The following ARHGAP44 variants were observed in gnomAD, a reference collection of about 807,000 sequenced individuals.
ARHGAP44 encodes the protein rho GTPase-activating protein 44.
ARHGAP44 carries 43 observed loss-of-function variants against 106.8 expected under a neutral mutation model. That is an observed-to-expected ratio of 0.40 (90% CI 0.32 to 0.52). ARHGAP44 has a LOEUF of 0.52. Ranked by LOEUF, ARHGAP44 falls within the 20% of genes least tolerant of loss-of-function variation. The pLI is 0.48. For synonymous variants in ARHGAP44, 439 were observed against 410.3 expected (o/e 1.07, Z -0.85); for missense variants, 866 against 1,050.5 (o/e 0.82, Z 2.43).
intron 5 of ARHGAP44, among the ~76,000 whole-genome samples, chr17:12,916,301 C>T (rs370361053): frequency 9.8e-5 from 15 of 152,286 alleles, no homozygotes; most frequent in East Asian, 5.8e-4. Context: ...GCCTTCATCC[C>T]CACCTTCCAC....
chr17:12,885,192 C>T (rs1408352660), intron 1 of ARHGAP44, among the ~76,000 whole-genome samples: 1 of 152,228 alleles, frequency 6.6e-6, no homozygotes, highest in Non-Finnish European at 1.5e-5. Context: ...AGCCATCGCA[C>T]CCAGCACCTG....
At chr17:12,815,581 G>C (rs1279708941) in intron 1 of ARHGAP44, among the ~76,000 whole-genome samples, 1 of 152,192 alleles carries the variant, frequency 6.6e-6, no homozygotes, top group Non-Finnish European at 1.5e-5. Context: ...TTACAGGAGA[G>C]TATACCAGTC....
chr17:12,986,792 A>C, intron 20 of ARHGAP44: 1 of 248,416 alleles, frequency 4.0e-6, no homozygotes, highest in Non-Finnish European at 7.7e-6. Context: ...AAGGCCTGGG[A>C]GGACAGCACC....
intron 10 of ARHGAP44, among the ~76,000 whole-genome samples, chr17:12,945,466 C>A (rs928588331): frequency 6.6e-6 from 1 of 152,058 alleles, no homozygotes; most frequent in African/African-American, 2.4e-5. Flanking sequence ...GCATGCGGTA[C>A]GTGTTTTATT....
intron 16 of ARHGAP44, 46 bp from the exon 17 acceptor site, chr17:12,973,256 G>A (rs997497717): frequency 2.5e-6 from 4 of 1,588,152 alleles, no homozygotes; most frequent in Admixed American, 1.8e-5. Flanking sequence ...CCAAAGGAAG[G>A]CCTAGATTTT....
intron 1 of ARHGAP44, among the ~76,000 whole-genome samples, chr17:12,822,179 T>C (rs1418272368): frequency 1.3e-5 from 2 of 152,228 alleles, no homozygotes; most frequent in Non-Finnish European, 2.9e-5. Context: ...ACTACTCTGC[T>C]ATTATAGTGA....
intron 1 of ARHGAP44, among the ~76,000 whole-genome samples, chr17:12,816,031 A>T (rs569018596): frequency 6.6e-6 from 1 of 152,214 alleles, no homozygotes; most frequent in Admixed American, 6.5e-5. Flanking sequence ...ATGGTCTGTG[A>T]GGCAGTGGGA....
intron 3 of ARHGAP44, among the ~76,000 whole-genome samples, chr17:12,908,410 C>T (rs535980355): frequency 2.6e-5 from 4 of 151,982 alleles, no homozygotes; most frequent in Non-Finnish European, 5.9e-5. Flanking sequence ...TTGGCCAGGT[C>T]GGTCTCGAAC....
At chr17:12,978,398 T>A (rs963670239) in intron 18 of ARHGAP44, among the ~76,000 whole-genome samples, 9 of 152,286 alleles carry the variant, frequency 5.9e-5, no homozygotes, top group East Asian at 1.9e-4. Flanking sequence ...AATAAAATGG[T>A]TTTTGCCCCT....
Position 12,990,094 on chromosome 17 carries a change from C to T in ARHGAP44, c.2380C>T (p.Pro794Ser), listed in dbSNP as rs1362097580. 25 of 1,613,178 alleles carry T rather than the reference C, an allele frequency of 1.5e-5. No homozygotes were observed. The highest frequency in any genetic ancestry group is 2.0e-5 in the Non-Finnish European group (24 of 1,179,538). The change falls in exon 21 of 21, where the codon CCC (proline) becomes TCC (serine). Residue 794 changes from proline to serine, a missense_variant. Around this residue, in one of 2 missense-constraint regions of ARHGAP44, gnomAD observed 418 missense variants for 403.6 expected, o/e 1.04. Transcript: ENST00000379672. ...GCTCGGGTCGACGCTCCGCCTGAGT[C>T]CCCTGGAGCACATGCGGCGACACTC... ...IELGSTLRLSPLEHMRRHSVT... is the reference protein window; with the variant it reads ...IELGSTLRLSSLEHMRRHSVT...
chr17:12,989,993 A>G, intron 20 of ARHGAP44, 39 bp from the exon 21 acceptor site: 3 of 1,588,150 alleles, frequency 1.9e-6, no homozygotes, highest in Non-Finnish European at 2.6e-6. Context: ...TTTGCCGGGA[A>G]GCCTCCTTTC....
At chr17:12,824,185 G>A (rs2034853292) in intron 1 of ARHGAP44, among the ~76,000 whole-genome samples, 1 of 152,208 alleles carries the variant, frequency 6.6e-6, no homozygotes, top group African/African-American at 2.4e-5. Flanking sequence ...ACCATTCTGT[G>A]TGGATGACTC....
chr17:12,868,567 T>A (rs2036300936), intron 1 of ARHGAP44, among the ~76,000 whole-genome samples: 1 of 122,602 alleles, frequency 8.2e-6, no homozygotes. Flanking sequence ...CAAAAAGTCA[T>A]TTAAAAAGTC....
chr17:12,879,018 G>A (rs774781795), intron 1 of ARHGAP44, among the ~76,000 whole-genome samples: 6 of 152,136 alleles, frequency 3.9e-5, no homozygotes, highest in Non-Finnish European at 8.8e-5. Context: ...TGGGGAACAG[G>A]TGGTGTTTGG....
chr17:12,874,568 T>G (rs1051594132), intron 1 of ARHGAP44, among the ~76,000 whole-genome samples: 1 of 151,998 alleles, frequency 6.6e-6, no homozygotes, highest in Non-Finnish European at 1.5e-5. Context: ...CCGTCTATAC[T>G]AAAAATATAA....
chr17:12,879,150 A>G (rs1471525395), intron 1 of ARHGAP44, among the ~76,000 whole-genome samples: 1 of 152,070 alleles, frequency 6.6e-6, no homozygotes, highest in African/African-American at 2.4e-5. Context: ...CCTTTCCCCC[A>G]AGTCCCCAAA....
At position 12,845,849 on chromosome 17, in the gene ARHGAP44, T is replaced by C. The variant is rs1368081948; in HGVS notation, c.54-49091T>C. Among the ~76,000 whole-genome samples, 5 of 152,322 alleles carry C rather than the reference T, an allele frequency of 3.3e-5. No homozygotes were observed. In the East Asian group the frequency reaches 9.6e-4, roughly 29 times the overall value. On this transcript the variant is annotated intron_variant, in intron 1 of 20. Coordinates refer to ENST00000379672, the MANE Select transcript of ARHGAP44 (RefSeq NM_014859.6). ...TAACTCAAGAAATCCACAGAAGCTC[T>C]CCCTTCAGTTGAGCAAATTTCAGTG... is the stretch of plus-strand genomic sequence containing the variant.
In ARHGAP44 at chr17:12,924,689, C is replaced by T. The variant is rs9897240; in HGVS notation, c.465-4240C>T. Among the ~76,000 whole-genome samples, 285 of 152,278 alleles carry T rather than the reference C, an allele frequency of 1.9e-3. 1 individual carries two copies. The highest frequency in any genetic ancestry group is 6.5e-3 in the African/African-American group (270 of 41,574). On this transcript the variant is annotated intron_variant, in intron 6 of 20. Transcript: ENST00000379672. ...AGGTCATAAGAATGGGCCCCTATTT[C>T]ACTAGGATTGGTGGCCTTATAGGGA...
intron 1 of ARHGAP44, among the ~76,000 whole-genome samples, chr17:12,829,614 A>G (rs1013125712): frequency 6.6e-6 from 1 of 152,180 alleles, no homozygotes; most frequent in African/African-American, 2.4e-5. Context: ...TATCACACTC[A>G]GCTTTGATCA....
Sources: allele counts gnomAD v4.1 joint callset (sites outside exome capture counted in the v4.1 genomes callset), GRCh38; gene constraint gnomAD v4.1.1; regional missense constraint gnomAD v4.1.1; transcripts MANE v1.5; gene names NCBI Gene and HGNC (gene_info 2026-07-23, HGNC 2026-07-21).